EGFR: variants seen among roughly 807,000 people sequenced by gnomAD.
The protein encoded by EGFR is avian erythroblastic leukemia viral (v-erb-b) oncogene homolog.
EGFR carries 58 observed loss-of-function variants against 143.0 expected under a neutral mutation model. That is an observed-to-expected ratio of 0.41 (90% confidence interval 0.33 to 0.50). The LOEUF (loss-of-function observed/expected upper bound fraction) is 0.50. Among genes scored for constraint, EGFR ranks in the 20% least tolerant of loss-of-function variants. EGFR has a pLI of 0.39. For synonymous variants in EGFR, 613 were observed against 594.4 expected, an observed-to-expected ratio of 1.03 and a Z score of -0.45; for missense variants, 1,307 against 1,579.0, an observed-to-expected ratio of 0.83 and a Z score of 2.92.
At chr7:55,185,656 AG>A (rs986974339) in intron 20 of EGFR, among the ~76,000 whole-genome samples, 1 of 151,744 alleles carries the variant, frequency 6.6e-6, no homozygotes, top group African/African-American at 2.4e-5. Flanking sequence ...TTGAGTGTTC[AG>A]GCAGACACTG....
intron 1 of EGFR, among the ~76,000 whole-genome samples, chr7:55,085,712 G>A (rs771443993): frequency 1.6e-4 from 25 of 152,310 alleles, no homozygotes; most frequent in Middle Eastern, 3.4e-3. Flanking sequence ...CGAAAATTGC[G>A]AAGGATCAAG....
chr7:55,104,324 C>G (rs542787118), intron 1 of EGFR, among the ~76,000 whole-genome samples: 2 of 152,304 alleles, frequency 1.3e-5, no homozygotes, highest in South Asian at 4.1e-4. Flanking sequence ...GGGTTGAAAC[C>G]GTCCTCCGTA....
chr7:55,136,847 G>A (rs1338240906), intron 1 of EGFR, among the ~76,000 whole-genome samples: 1 of 152,074 alleles, frequency 6.6e-6, no homozygotes, highest in Non-Finnish European at 1.5e-5. Context: ...AGCATTTTGG[G>A]GATATTGTGT....
chr7:55,052,165 A>G (rs1002318229), intron 1 of EGFR, among the ~76,000 whole-genome samples: 1 of 152,154 alleles, frequency 6.6e-6, no homozygotes, highest in Non-Finnish European at 1.5e-5. Context: ...GTTTTCCCTT[A>G]TCTAAAATAT....
At chr7:55,077,321 A>G (rs1469543494) in intron 1 of EGFR, among the ~76,000 whole-genome samples, 1 of 152,222 alleles carries the variant, frequency 6.6e-6, no homozygotes, top group Non-Finnish European at 1.5e-5. Context: ...ATTAAATAAA[A>G]TTTCAGCAAA....
chr7:55,119,890 G>A (rs1481959749), intron 1 of EGFR, among the ~76,000 whole-genome samples: 1 of 152,194 alleles, frequency 6.6e-6, no homozygotes, highest in Non-Finnish European at 1.5e-5. Context: ...GTGTGTTAGA[G>A]ATGCAGTTGG....
chr7:55,145,311 C>G (rs1221828346), intron 3 of EGFR, among the ~76,000 whole-genome samples: 1 of 152,230 alleles, frequency 6.6e-6, no homozygotes. Context: ...TGAGTTCCAT[C>G]CACCTGTGCA....
At chr7:55,095,331 A>T (rs1443071145) in intron 1 of EGFR, among the ~76,000 whole-genome samples, 1 of 152,194 alleles carries the variant, frequency 6.6e-6, no homozygotes, top group Admixed American at 6.5e-5. Flanking sequence ...GACTGTTGTG[A>T]GGATTAAGTG....
intron 1 of EGFR, among the ~76,000 whole-genome samples, chr7:55,085,061 G>T (rs1790675837): frequency 6.6e-6 from 1 of 152,092 alleles, no homozygotes; most frequent in Non-Finnish European, 1.5e-5. Flanking sequence ...CCCTTCCCCA[G>T]TCCTTGTCCT....
intron 1 of EGFR, among the ~76,000 whole-genome samples, chr7:55,099,904 T>C (rs1791702360): frequency 6.6e-6 from 1 of 152,132 alleles, no homozygotes; most frequent in African/African-American, 2.4e-5. Flanking sequence ...GGCTAATGAA[T>C]TGAATTTGAA....
At chr7:55,202,656 C>G (rs1787902342) in intron 27 of EGFR, 31 bp downstream of exon 27, 1 of 1,575,184 alleles carries the variant, frequency 6.3e-7, no homozygotes, top group Non-Finnish European at 8.6e-7. Flanking sequence ...CAGTCCTGCT[C>G]CTCAACCTCC....
At chr7:55,158,928 G>A (rs996539088) in intron 11 of EGFR, among the ~76,000 whole-genome samples, 6 of 152,232 alleles carry the variant, frequency 3.9e-5, no homozygotes, top group Non-Finnish European at 8.8e-5. Context: ...AGCAGGGAGA[G>A]GAGAAGCCTC....
chr7:55,190,415 C>T (rs892344431), intron 20 of EGFR, among the ~76,000 whole-genome samples: 1 of 152,138 alleles, frequency 6.6e-6, no homozygotes, highest in Admixed American at 6.5e-5. Flanking sequence ...CTTTGCGAGA[C>T]CCTAGGTTCT....
intron 1 of EGFR, among the ~76,000 whole-genome samples, chr7:55,066,711 G>A (rs1193165327): frequency 1.3e-5 from 2 of 152,134 alleles, no homozygotes; most frequent in Non-Finnish European, 2.9e-5. Flanking sequence ...TTGTCACCAG[G>A]GGTGCTGTGG....
At chr7:55,104,110 G>A (rs769312729) in intron 1 of EGFR, among the ~76,000 whole-genome samples, 1 of 152,242 alleles carries the variant, frequency 6.6e-6, no homozygotes, top group Non-Finnish European at 1.5e-5. Context: ...GCAGCACTGA[G>A]TAGGATAGAC....
rs1162463624 is a variant in EGFR, at chr7:55,201,346, G to T, written c.3105G>T (p.Leu1035=). Residue 1035 remains leucine (L), a synonymous_variant, in exon 25 of 28, where the codon CTG becomes CTT. Coordinates refer to ENST00000275493, the MANE Select transcript of EGFR (RefSeq NM_005228.5). ...SSPSTSRTPL[L]SSLSATSNNS... is the part of the protein sequence containing the mutation. The stretch of plus-strand genomic sequence containing the variant: ...CCTCCACGTCACGGACTCCCCTCCT[G>T]AGCTCTCTGGTATGAAATCTCTGTC... The T allele has an allele frequency of 6.2e-7, 1 of 1,614,108 alleles. No homozygotes were observed. The highest frequency in any genetic ancestry group is 1.3e-5 in the African/African-American group (1 of 75,016).
chr7:55,022,910 T>C (rs1049389734), intron 1 of EGFR, among the ~76,000 whole-genome samples: 1 of 152,246 alleles, frequency 6.6e-6, no homozygotes, highest in African/African-American at 2.4e-5. Context: ...AGAAGTAGTC[T>C]CAGCAAAGAT....
intron 1 of EGFR, among the ~76,000 whole-genome samples, chr7:55,071,341 C>A (rs1338124838): frequency 6.6e-6 from 1 of 152,216 alleles, no homozygotes; most frequent in Non-Finnish European, 1.5e-5. Context: ...AAGAAGCAAG[C>A]ATTTTGAATA....
intron 6 of EGFR, 137 bp from the exon 7 acceptor site, chr7:55,153,874 C>A: frequency 1.5e-6 from 2 of 1,374,980 alleles, no homozygotes; most frequent in Non-Finnish European, 2.0e-6. Flanking sequence ...TGGGTTTTCC[C>A]ACACTAGTGG....
Sources: allele counts gnomAD v4.1 joint callset (sites outside exome capture counted in the v4.1 genomes callset), GRCh38; gene constraint gnomAD v4.1.1; transcripts MANE v1.5; gene names NCBI Gene and HGNC (gene_info 2026-07-23, HGNC 2026-07-21).